BRINP3: variants seen among roughly 807,000 people sequenced by gnomAD.
BRINP3 encodes the protein BMP/retinoic acid inducible neural specific 3.
Under a neutral mutation model 71.0 loss-of-function variants are expected in BRINP3, and 19 were observed. That is an observed-to-expected ratio of 0.27 (90% CI 0.19 to 0.39). The LOEUF (loss-of-function observed/expected upper bound fraction) is 0.39, where lower values mean the gene tolerates loss of function less well. Among genes scored for constraint, BRINP3 ranks in the 10% least tolerant of loss-of-function variants. BRINP3 has a pLI of 1.00. For synonymous variants in BRINP3, 380 were observed against 337.7 expected (o/e 1.13, Z -1.37); for missense variants, 959 against 940.8 (o/e 1.02, Z -0.25).
At chr1:190,281,871 G>A in intron 2 of BRINP3, 121 bp from the exon 3 acceptor site, 1 of 803,666 alleles carries the variant, frequency 1.2e-6, no homozygotes, top group Non-Finnish European at 1.9e-6. Context: ...ACTAGGTTGT[G>A]TGCTATGAGT....
At chr1:190,245,331 A>G (rs1659489763) in intron 4 of BRINP3, among the ~76,000 whole-genome samples, 1 of 151,940 alleles carries the variant, frequency 6.6e-6, no homozygotes, top group Admixed American at 6.6e-5. Context: ...ATTATCAGTA[A>G]AAGTCAGCAG....
chr1:190,248,618 A>T (rs1571501367), intron 4 of BRINP3, among the ~76,000 whole-genome samples: 1 of 151,642 alleles, frequency 6.6e-6, no homozygotes, highest in Admixed American at 6.6e-5. Flanking sequence ...CTGATTGCAT[A>T]GTTCTAAACT....
chr1:190,412,385 T>C (rs1043636689), intron 2 of BRINP3, among the ~76,000 whole-genome samples: 6 of 86,428 alleles, frequency 6.9e-5, no homozygotes, highest in Non-Finnish European at 1.4e-4. Context: ...AAAGAAAAGA[T>C]ATATATATAT....
At chr1:190,399,799 A>T (rs1448798341) in intron 2 of BRINP3, among the ~76,000 whole-genome samples, 1 of 152,056 alleles carries the variant, frequency 6.6e-6, no homozygotes, top group Admixed American at 6.6e-5. Flanking sequence ...ATAAGCCATA[A>T]TTAGGATCAT....
chr1:190,289,449 C>T (rs1663686540), intron 2 of BRINP3, among the ~76,000 whole-genome samples: 1 of 151,820 alleles, frequency 6.6e-6, no homozygotes, highest in African/African-American at 2.4e-5. Context: ...GATAGGGAGA[C>T]TGAATATGGT....
intron 7 of BRINP3, among the ~76,000 whole-genome samples, chr1:190,106,530 T>A (rs1179386728): frequency 6.6e-6 from 1 of 151,542 alleles, no homozygotes; most frequent in Non-Finnish European, 1.5e-5. Context: ...TCTGTGACCC[T>A]AATATTTGAA....
chr1:190,365,914 A>G (rs983898517), intron 2 of BRINP3, among the ~76,000 whole-genome samples: 1 of 150,166 alleles, frequency 6.7e-6, no homozygotes, highest in Non-Finnish European at 1.5e-5. Context: ...ATACAGGTGG[A>G]CCTGTAAGAA....
At chr1:190,223,108 A>G (rs1056712471) in intron 6 of BRINP3, among the ~76,000 whole-genome samples, 27 of 152,014 alleles carry the variant, frequency 1.8e-4, no homozygotes, top group African/African-American at 6.5e-4. Context: ...AAGAACCAAT[A>G]TCAGTTCTAC....
At chr1:190,376,446 G>T (rs1000844144) in intron 2 of BRINP3, among the ~76,000 whole-genome samples, 1 of 151,924 alleles carries the variant, frequency 6.6e-6, no homozygotes, top group Non-Finnish European at 1.5e-5. Context: ...ATTTATAACT[G>T]GTTTTAACAG....
chr1:190,355,615 T>G lies in BRINP3; in HGVS notation c.237-73865A>C, dbSNP rs568545413. ...TTAAGTTATGAAAATTTTTCTTAAT[T>G]TTTTAATTTCCTGATTGTTCCTAGA... On this transcript the variant is annotated intron_variant, in intron 2 of 7. Transcript: ENST00000367462. Among the ~76,000 whole-genome samples, 16 of 152,054 alleles carry G rather than the reference T, an allele frequency of 1.1e-4. No individual in the cohort carries two copies. In the South Asian group the frequency reaches 3.1e-3, roughly 30 times the overall value.
At chr1:190,321,499 A>T (rs748310525) in intron 2 of BRINP3, among the ~76,000 whole-genome samples, 5 of 152,086 alleles carry the variant, frequency 3.3e-5, no homozygotes, top group Non-Finnish European at 5.9e-5. Context: ...TATTTCAAAA[A>T]TTTTTTAAAG....
At chr1:190,460,336 A>T (rs1676301647) in intron 1 of BRINP3, among the ~76,000 whole-genome samples, 1 of 151,204 alleles carries the variant, frequency 6.6e-6, no homozygotes, top group Admixed American at 6.6e-5. Context: ...ATATAACTAT[A>T]ATAATTATTT....
chr1:190,420,974 T>C (rs1188280638), intron 2 of BRINP3, among the ~76,000 whole-genome samples: 1 of 151,830 alleles, frequency 6.6e-6, no homozygotes, highest in Non-Finnish European at 1.5e-5. Context: ...TATCAGTTTC[T>C]TGACCCTATG....
intron 6 of BRINP3, among the ~76,000 whole-genome samples, chr1:190,201,819 T>C (rs1352266344): frequency 6.6e-6 from 1 of 152,154 alleles, no homozygotes; most frequent in Non-Finnish European, 1.5e-5. Context: ...AGAATTGGGG[T>C]TTGGGAACCT....
chr1:190,282,047 T>C (rs990669993), intron 2 of BRINP3, among the ~76,000 whole-genome samples: 2 of 151,892 alleles, frequency 1.3e-5, no homozygotes, highest in African/African-American at 2.4e-5. Context: ...AATATGAATA[T>C]AGAGTTACTA....
At chr1:190,394,320 A>C (rs1558246958) in intron 2 of BRINP3, among the ~76,000 whole-genome samples, 1 of 151,556 alleles carries the variant, frequency 6.6e-6, no homozygotes, top group Non-Finnish European at 1.5e-5. Context: ...TCCCTTTTTT[A>C]ATAAAAATGG....
chr1:190,213,762 G>T (rs1160492566), intron 6 of BRINP3, among the ~76,000 whole-genome samples: 1 of 151,974 alleles, frequency 6.6e-6, no homozygotes, highest in Admixed American at 6.6e-5. Context: ...ATTGAAATGA[G>T]AGAGAAAGGA....
At chr1:190,212,168 G>T (rs1656043303) in intron 6 of BRINP3, among the ~76,000 whole-genome samples, 1 of 151,982 alleles carries the variant, frequency 6.6e-6, no homozygotes, top group Non-Finnish European at 1.5e-5. Context: ...ATAAATACAA[G>T]CATGATTGTC....
At chr1:190,214,424 T>C (rs924851421) in intron 6 of BRINP3, among the ~76,000 whole-genome samples, 1 of 152,058 alleles carries the variant, frequency 6.6e-6, no homozygotes, top group Non-Finnish European at 1.5e-5. Flanking sequence ...GGTGAATGCG[T>C]CCTGCATCTG....
Sources: gnomAD v4.1 joint callset for allele counts (sites outside exome capture counted in the v4.1 genomes callset) on GRCh38, gnomAD v4.1.1 for gene constraint, MANE v1.5 for transcripts, NCBI Gene and HGNC (gene_info 2026-07-23, HGNC 2026-07-21) for gene names.